ITGB3: variants seen among roughly 807,000 people sequenced by gnomAD.
ITGB3 encodes integrin subunit beta 3, also known as integrin beta-3.
ITGB3 carries 48 observed loss-of-function variants against 85.8 expected under a neutral mutation model. The ratio of observed to expected loss-of-function variants is 0.56; its 90% CI spans 0.44 to 0.71. The LOEUF is 0.71. ITGB3 is among the 30% of genes least tolerant of loss of function. The pLI, the probability that ITGB3 is intolerant of heterozygous loss-of-function variation, is 0.00. For synonymous variants in ITGB3, 363 were observed against 395.6 expected (o/e 0.92, Z 0.98); for missense variants, 861 against 1,019.1 (o/e 0.84, Z 2.11).
intron 1 of ITGB3, among the ~76,000 whole-genome samples, chr17:47,256,346 A>G (rs1316494622): frequency 6.6e-6 from 1 of 152,128 alleles, no homozygotes; most frequent in Non-Finnish European, 1.5e-5. Flanking sequence ...TCACAGATTA[A>G]TCTTGTGATT....
chr17:47,261,818 C>A (rs151000086), intron 1 of ITGB3, among the ~76,000 whole-genome samples: 6 of 152,340 alleles, frequency 3.9e-5, no homozygotes, highest in African/African-American at 1.4e-4. Context: ...CCGCACCTGG[C>A]CCATTGTCTC....
At chr17:47,260,965 A>G (rs2065007126) in intron 1 of ITGB3, among the ~76,000 whole-genome samples, 1 of 152,302 alleles carries the variant, frequency 6.6e-6, no homozygotes, top group Middle Eastern at 3.4e-3. Context: ...CTTCTGATTT[A>G]TTTGTGGTGA....
chr17:47,284,033 A>G (rs1345540335), intron 3 of ITGB3, among the ~76,000 whole-genome samples: 1 of 152,170 alleles, frequency 6.6e-6, no homozygotes, highest in African/African-American at 2.4e-5. Context: ...TGAAGCATTG[A>G]TTTTGACTTT....
At chr17:47,300,346 C>CGTGCGTGCATGTGTGTGTGT (rs1555573424) in intron 11 of ITGB3, 132 bp from the exon 12 acceptor site, 1 of 611,562 alleles carries the variant, frequency 1.6e-6, no homozygotes, top group African/African-American at 1.9e-5. Flanking sequence ...CGCGCGCGCG[C>CGTGCGTGCATGTGTGTGTGT]GTGTGTGTGT....
intron 2 of ITGB3, 126 bp downstream of exon 2, chr17:47,274,630 T>C (rs1487031360): frequency 1.1e-5 from 9 of 817,846 alleles, no homozygotes; most frequent in African/African-American, 5.0e-5. Flanking sequence ...AGCAAAACTT[T>C]GATGAATTTT....
At chr17:47,266,799 C>T (rs897539948) in intron 1 of ITGB3, among the ~76,000 whole-genome samples, 2 of 152,100 alleles carry the variant, frequency 1.3e-5, no homozygotes, top group African/African-American at 2.4e-5. Flanking sequence ...CCAGACTAGT[C>T]GCCAACTACT....
chr17:47,254,466 T>A (rs933102667), intron 1 of ITGB3, among the ~76,000 whole-genome samples: 1 of 152,210 alleles, frequency 6.6e-6, no homozygotes, highest in Non-Finnish European at 1.5e-5. Flanking sequence ...TTTTTTCTTT[T>A]CCTTTTTTCT....
chr17:47,272,643 C>T (rs1010091160), intron 1 of ITGB3, among the ~76,000 whole-genome samples: 1 of 151,894 alleles, frequency 6.6e-6, no homozygotes, highest in African/African-American at 2.4e-5. Flanking sequence ...TTTTCTTTGC[C>T]TGTTTCCAAA....
rs922958076 is a variant in ITGB3, at chr17:47,299,967, A to G, written c.1913+437A>G. Among the ~76,000 whole-genome samples the G allele has an allele frequency of 2.6e-5, 4 of 152,218 alleles. No individual in the cohort carries two copies. Among genetic ancestry groups the G allele is most frequent in the Middle Eastern group, 6.3e-3 (2 of 316 alleles). On this transcript the variant is annotated intron_variant, in intron 11 of 14. Coordinates refer to ENST00000559488, the MANE Select transcript of ITGB3 (RefSeq NM_000212.3). This position sits in a 1 kb window ranked among gnomAD's most constrained non-coding sequence, Gnocchi z 5.1. The stretch of plus-strand genomic sequence containing the variant: ...AGTCCATGGCACTGCCATTCTGCTT[A>G]CCACTTTAAGCAGGGCCAGATTTAC...
At position 47,284,618 on chromosome 17, in the gene ITGB3, C is replaced by T. The variant is rs770144031; in HGVS notation, c.537C>T (p.Phe179=). Residue 179 remains phenylalanine (F), a synonymous_variant, in exon 4 of 15, where the codon TTC becomes TTT. Transcript: ENST00000559488. ...RKLTSNLRIG[F]GAFVDKPVSP... is the part of the protein sequence containing the mutation. ...TCACCAGTAACCTGCGGATTGGCTT[C>T]GGGGCATTTGTGGACAAGCCTGTGT... The T allele has an allele frequency of 2.9e-4, 467 of 1,613,944 alleles. No individual in the cohort carries two copies. The highest frequency in any genetic ancestry group is 3.7e-4 in the Non-Finnish European group (438 of 1,180,008).
At chr17:47,308,381 G>T (rs1377325737) in intron 14 of ITGB3, among the ~76,000 whole-genome samples, 2 of 151,960 alleles carry the variant, frequency 1.3e-5, no homozygotes, top group South Asian at 4.1e-4. Flanking sequence ...TCCAGAGTTA[G>T]GCTGCAAGTT....
At chr17:47,256,639 A>G (rs1418371333) in intron 1 of ITGB3, among the ~76,000 whole-genome samples, 2 of 152,176 alleles carry the variant, frequency 1.3e-5, no homozygotes, top group Non-Finnish European at 2.9e-5. Context: ...GCTGAGTGGC[A>G]CAGAGAGGTT....
chr17:47,310,113 A>G (rs374965774), intron 14 of ITGB3, 26 bp from the exon 15 acceptor site: 111 of 1,606,898 alleles, frequency 6.9e-5, no homozygotes, highest in Non-Finnish European at 9.0e-5. Flanking sequence ...AAGTCACTGT[A>G]AGATGCTATT....
chr17:47,291,147 T>C (rs775083075), intron 9 of ITGB3, 59 bp downstream of exon 9: 306 of 1,609,614 alleles, frequency 1.9e-4, no homozygotes, highest in Non-Finnish European at 2.2e-4. Flanking sequence ...CAACCCCCTT[T>C]CTTCCTTTTG....
chr17:47,253,963 A>C, intron 1 of ITGB3, 23 bp downstream of exon 1: 1 of 1,378,282 alleles, frequency 7.3e-7, no homozygotes, highest in Non-Finnish European at 9.5e-7. Context: ...CCGGCTCGGC[A>C]GCGTCGCAGC....
In ITGB3 at chr17:47,311,470, A is replaced by G. The variant is rs575926243; in HGVS notation, c.*1266A>G. ...TCTCATGATGAGGTTTTCTTAACTTAAAAGAACATGTATATAAACATGCTT... is the reference window on the plus strand; with the variant it reads ...TCTCATGATGAGGTTTTCTTAACTTGAAAGAACATGTATATAAACATGCTT... On this transcript the variant is annotated 3_prime_UTR_variant, in exon 15 of 15. Coordinates refer to ENST00000559488, the MANE Select transcript of ITGB3 (RefSeq NM_000212.3). The G allele has an allele frequency of 3.9e-5, 6 of 152,608 alleles. No individual in the cohort carries two copies. The South Asian group carries it at 8.3e-4, about 21-fold the overall frequency. The allele number at this position is 152,608 out of a possible 1,614,324, so 9.5% of individuals were successfully genotyped here. A position where few individuals can be genotyped will look rare whatever the true frequency, so the allele number is the denominator to read the frequency against.
rs201806801 is a variant in ITGB3, at chr17:47,284,473, G to C, written c.392G>C (p.Arg131Pro). 7.4e-6 allele frequency: 12 copies of C among 1,613,992 alleles called. No individual in the cohort carries two copies. The highest frequency in any genetic ancestry group is 1.3e-5 in the African/African-American group (1 of 74,978). Residue 131 changes from arginine to proline, a missense_variant, in exon 4 of 15, where the codon CGG becomes CCG. Transcript: ENST00000559488. Reference sequence around the variant, plus strand: ...TCGAAGAATTTCTCCATCCAAGTGCGGCAGGTGGAGGATTACCCTGTGGAC... The same window carrying C: ...TCGAAGAATTTCTCCATCCAAGTGCCGCAGGTGGAGGATTACCCTGTGGAC... ...DDSKNFSIQV[R>P]QVEDYPVDIY...
At chr17:47,305,748 C>T (rs983025943) in intron 13 of ITGB3, 1 of 152,138 alleles carries the variant, frequency 6.6e-6, no homozygotes, top group Non-Finnish European at 1.5e-5. Flanking sequence ...TCACAGCCCT[C>T]AGGAATGTAA....
rs1483222234 is a variant in ITGB3 at position 47,280,944 on chromosome 17, C to T, written c.166-2410C>T. Among the ~76,000 whole-genome samples the T allele has an allele frequency of 4.6e-5, 7 of 152,324 alleles. No individual in the cohort carries two copies. The South Asian group carries it at 1.2e-3, about 27-fold the overall frequency. ...TGATAATTACAGTCAGACAATCTAG[C>T]TGGCCTCTCAGTTCTGCCACTTCCT... On this transcript the variant is annotated intron_variant, in intron 2 of 14. Coordinates refer to ENST00000559488, the MANE Select transcript of ITGB3 (RefSeq NM_000212.3).
Sources: gnomAD v4.1 joint callset for allele counts (sites outside exome capture counted in the v4.1 genomes callset) on GRCh38, gnomAD v4.1.1 for gene constraint, Gnocchi (gnomAD v3.1) non-coding constraint, MANE v1.5 for transcripts, NCBI Gene and HGNC (gene_info 2026-07-23, HGNC 2026-07-21) for gene names.